Variants in MLLT6 observed in about 807,000 individuals in gnomAD.
MLLT6 encodes protein AF-17.
MLLT6 carries 22 observed loss-of-function variants against 103.0 expected under a neutral mutation model. The ratio of observed to expected loss-of-function variants is 0.21; its 90% CI spans 0.15 to 0.31. The LOEUF is 0.31. MLLT6 is among the 10% of genes least tolerant of loss of function. The pLI is 1.00. For synonymous variants in MLLT6, 606 were observed against 623.5 expected (o/e 0.97, Z 0.42); for missense variants, 1,199 against 1,441.7 (o/e 0.83, Z 2.73).
rs746658745 is a variant in MLLT6, at chr17:38,717,332, G to A, written c.1652-100G>A. On this transcript the variant is annotated intron_variant, in intron 10 of 19. Transcript: ENST00000621332. ...AGACTGGGGCATGTAGCCAGATCCCGGGGAGCACTCGAGCTGGGGAGGGGC... is the reference window on the plus strand; with the variant it reads ...AGACTGGGGCATGTAGCCAGATCCCAGGGAGCACTCGAGCTGGGGAGGGGC... The A allele has an allele frequency of 6.9e-5, 66 of 959,324 alleles. No homozygotes were observed. In the East Asian group the frequency reaches 8.9e-4, roughly 13 times the overall value. 59.4% of individuals were successfully genotyped at this position (959,324 alleles called of 1,614,324 possible). A position where few individuals can be genotyped will look rare whatever the true frequency, so the allele number is the denominator to read the frequency against.
At chr17:38,721,681 CCAGGAAGGGGT>C (rs1389727090) in intron 16 of MLLT6, among the ~76,000 whole-genome samples, 186 bp from the exon 17 acceptor site, 1 of 152,202 alleles carries the variant, frequency 6.6e-6, no homozygotes, top group Non-Finnish European at 1.5e-5. Context: ...CGCTGGACTC[CCAGGAAGGGGT>C]CAGGAAACAT....
At chr17:38,713,310 A>G (rs1905209348) in intron 8 of MLLT6, 1 of 405,430 alleles carries the variant, frequency 2.5e-6, no homozygotes, top group East Asian at 3.6e-5. Flanking sequence ...AGGGCATGGT[A>G]TGTCAGGCCT....
At position 38,716,017 on chromosome 17, in the gene MLLT6, C is replaced by T. The variant is rs1905327834; in HGVS notation, c.1036+189C>T. On this transcript the variant is annotated intron_variant, in intron 9 of 19. Coordinates refer to ENST00000621332, the MANE Select transcript of MLLT6 (RefSeq NM_005937.4). This position sits in a 1 kb window ranked among gnomAD's most constrained non-coding sequence, Gnocchi z 5.6. ...TTCCTTCTTGAACCAGAACTCTCCT[C>T]TCCCCTTCAGGGGCCACCCCACCAA... 8 of 638,142 alleles carry T rather than the reference C, an allele frequency of 1.3e-5. No individual in the cohort carries two copies. In the South Asian group the frequency reaches 1.6e-4, roughly 13 times the overall value. 39.5% of individuals were successfully genotyped at this position (638,142 alleles called of 1,614,324 possible).
Position 38,724,748 on chromosome 17 carries a change from G to A in MLLT6, c.3012G>A (p.Leu1004=). 1 of 1,610,020 alleles carries A rather than the reference G, an allele frequency of 6.2e-7. No individual in the cohort carries two copies. The highest frequency in any genetic ancestry group is 8.5e-7 in the Non-Finnish European group (1 of 1,178,494). ...TGCTGGCAGGAAGCTCCACCCCGCT[G>A]CTGTCTGCGGGTACCCCTGGCCTGC... ...ASLLAGSSTP[L]LSAGTPGLLP... is the part of the protein sequence containing the mutation. The change falls in exon 19 of 20, where the codon CTG becomes CTA. Residue 1004 remains leucine (L), a synonymous_variant. Transcript: ENST00000621332. This position sits in a 1 kb window ranked among gnomAD's most constrained non-coding sequence, Gnocchi z 5.4.
At position 38,716,804 on chromosome 17, in the gene MLLT6, G is replaced by A; in HGVS notation, c.1474G>A (p.Gly492Ser). 2 of 1,611,760 alleles carry A rather than the reference G, an allele frequency of 1.2e-6. No individual in the cohort carries two copies. The highest frequency in any genetic ancestry group is 1.7e-6 in the Non-Finnish European group (2 of 1,178,972). Residue 492 changes from glycine to serine, a missense_variant, in exon 10 of 20, where the codon GGC becomes AGC. Coordinates refer to ENST00000621332, the MANE Select transcript of MLLT6 (RefSeq NM_005937.4). The surrounding 1 kb of genome is among the most constrained non-coding windows in gnomAD (Gnocchi z 5.6). ...CAGCCGGAACAAGGAGGGCACTGGGGGCCCAGCTGCCCCATCCTTGCCCAG... is the reference window on the plus strand; with the variant it reads ...CAGCCGGAACAAGGAGGGCACTGGGAGCCCAGCTGCCCCATCCTTGCCCAG... ...KGSRNKEGTG[G>S]PAAPSLPSAQ...
rs769916021 is a variant in MLLT6 at position 38,724,959 on chromosome 17, G to A, written c.3223G>A (p.Gly1075Ser). 44 of 1,540,038 alleles carry A rather than the reference G, an allele frequency of 2.9e-5. No homozygotes were observed. In the South Asian group the frequency reaches 4.1e-4, roughly 14 times the overall value. ...CCTGTCGGGAGCAGAGGGCAGTGGC[G>A]GTGGCCCCAAAGGAGGGGTGAGTAA... ...LSLSGAEGSG[G>S]GPKGGTADKG... Residue 1075 changes from glycine to serine, a missense_variant, in exon 19 of 20, where the codon GGT (glycine) becomes AGT (serine). Coordinates refer to ENST00000621332, the MANE Select transcript of MLLT6 (RefSeq NM_005937.4). The surrounding 1 kb of genome is among the most constrained non-coding windows in gnomAD (Gnocchi z 5.4).
In MLLT6 at chr17:38,724,295, T is replaced by G; in HGVS notation, c.2884-325T>G. 3.0e-6 allele frequency: 1 copy of G among 332,726 alleles called. No homozygotes were observed. Among genetic ancestry groups the G allele is most frequent in the Non-Finnish European group, 5.4e-6 (1 of 184,106 alleles). The allele number at this position is 332,726 out of a possible 1,614,324, so 20.6% of individuals were successfully genotyped here. ...AAAGAAAAGAAAACTATTGACCTAG[T>G]TTAGTGTTTTTCAACTTGGGGGCGT... On this transcript the variant is annotated intron_variant, in intron 18 of 19. Transcript: ENST00000621332. This position sits in a 1 kb window ranked among gnomAD's most constrained non-coding sequence, Gnocchi z 5.4.
chr17:38,712,456 G>A (rs143584489), intron 7 of MLLT6, among the ~76,000 whole-genome samples: 4 of 152,320 alleles, frequency 2.6e-5, no homozygotes, highest in African/African-American at 7.2e-5. Flanking sequence ...TAGCACTGGC[G>A]TGATAATGGG....
At chr17:38,720,248 C>G in intron 14 of MLLT6, 124 bp from the exon 15 acceptor site, 1 of 964,156 alleles carries the variant, frequency 1.0e-6, no homozygotes, top group Non-Finnish European at 1.5e-6. Context: ...ACCTGTGTCC[C>G]TCCTTAGGAT....
chr17:38,729,334 C>G lies in MLLT6; in HGVS notation c.*3736C>G, dbSNP rs1219679262. 4.3e-6 allele frequency: 1 copy of G among 233,218 alleles called. No individual in the cohort carries two copies. Among genetic ancestry groups the G allele is most frequent in the Non-Finnish European group, 8.5e-6 (1 of 118,076 alleles). 14.4% of individuals were successfully genotyped at this position (233,218 alleles called of 1,614,324 possible). A position where few individuals can be genotyped will look rare whatever the true frequency, so the allele number is the denominator to read the frequency against. ...AATTCCAAGGAAGGTGGGCAAGTAG[C>G]CTTGGCTCTCTCCCACCATGTCCAT... On this transcript the variant is annotated 3_prime_UTR_variant, in exon 20 of 20. Transcript: ENST00000621332.
At position 38,706,468 on chromosome 17, in the gene MLLT6, G is replaced by A. The variant is rs144542699; in HGVS notation, c.110-482G>A. Reference sequence around the variant, plus strand: ...GTTCCCAGCACCGCACCTGCCCTCAGCCTTGACTTTTAACCTGATTCTGGA... The same window carrying A: ...GTTCCCAGCACCGCACCTGCCCTCAACCTTGACTTTTAACCTGATTCTGGA... On this transcript the variant is annotated intron_variant, in intron 1 of 19. Coordinates refer to ENST00000621332, the MANE Select transcript of MLLT6 (RefSeq NM_005937.4). 4.2e-3 allele frequency among the ~76,000 whole-genome samples: 634 copies of A among 152,232 alleles called. 5 individuals are homozygous for A. The highest frequency in any genetic ancestry group is 0.014 in the African/African-American group (597 of 41,528).
At chr17:38,706,416 G>A (rs1904928777) in intron 1 of MLLT6, among the ~76,000 whole-genome samples, 1 of 152,012 alleles carries the variant, frequency 6.6e-6, no homozygotes, top group Non-Finnish European at 1.5e-5. Context: ...GCTGTGGCCC[G>A]GGGCTCTTCC....
chr17:38,720,153 C>T, intron 14 of MLLT6: 3 of 688,108 alleles, frequency 4.4e-6, no homozygotes, highest in South Asian at 1.9e-5. Flanking sequence ...TCTCCTGACC[C>T]GTGTGGCCTC....
chr17:38,708,198 G>T (rs944209041), intron 4 of MLLT6: 3 of 372,818 alleles, frequency 8.0e-6, no homozygotes, highest in Non-Finnish European at 1.5e-5. Flanking sequence ...CACGCTGTTC[G>T]GTGCTGATCA....
At chr17:38,720,170 A>C (rs1422054052) in intron 14 of MLLT6, 1 of 692,124 alleles carries the variant, frequency 1.4e-6, no homozygotes. Context: ...CCTCGACCCC[A>C]GCCTCAGGCT....
rs138785746 is a variant in MLLT6 at position 38,717,167 on chromosome 17, G to A, written c.1651+186G>A. 6.8e-3 allele frequency among the ~76,000 whole-genome samples: 1,033 copies of A among 152,324 alleles called. 8 individuals are homozygous for A. The highest frequency in any genetic ancestry group is 9.2e-3 in the Non-Finnish European group (626 of 68,032). On this transcript the variant is annotated intron_variant, in intron 10 of 19. Coordinates refer to ENST00000621332, the MANE Select transcript of MLLT6 (RefSeq NM_005937.4). ...GAGTAGAAAGGATTGGGGACAGATTGTCAGAAGGTTTTACCAAGTTTTGGG... is the reference window on the plus strand; with the variant it reads ...GAGTAGAAAGGATTGGGGACAGATTATCAGAAGGTTTTACCAAGTTTTGGG...
rs760028080 is a variant in MLLT6, at chr17:38,719,625, G to A, written c.2009+42G>A. ...CCTGGAGGAGGGGCTGGGGGCAGGA[G>A]GGACACCCGAGGGAGGAGGGACGGA... On this transcript the variant is annotated intron_variant, in intron 13 of 19. Coordinates refer to ENST00000621332, the MANE Select transcript of MLLT6 (RefSeq NM_005937.4). 8 of 1,579,730 alleles carry A rather than the reference G, an allele frequency of 5.1e-6. No individual in the cohort carries two copies. The Admixed American group carries it at 1.2e-4, about 24-fold the overall frequency.
At chr17:38,711,273 G>C (rs1291918022) in intron 6 of MLLT6, among the ~76,000 whole-genome samples, 1 of 152,112 alleles carries the variant, frequency 6.6e-6, no homozygotes, top group Non-Finnish European at 1.5e-5. Context: ...GGGTTGTTTG[G>C]GTTGTGTTGA....
At chr17:38,715,453 A>C in intron 8 of MLLT6, 159 bp from the exon 9 acceptor site, 58 of 1,276,396 alleles carry the variant, frequency 4.5e-5, no homozygotes, top group Non-Finnish European at 5.8e-5. Context: ...TCCCTGGTCT[A>C]GGAGCTCCTG....
Sources: allele counts gnomAD v4.1 joint callset (sites outside exome capture counted in the v4.1 genomes callset), GRCh38; gene constraint gnomAD v4.1.1; non-coding constraint Gnocchi (gnomAD v3.1); transcripts MANE v1.5; gene names NCBI Gene and HGNC (gene_info 2026-07-23, HGNC 2026-07-21).